The following SORCS2 variants were observed in gnomAD, a reference collection of about 807,000 sequenced individuals.
The protein encoded by SORCS2 is VPS10 domain-containing receptor SorCS2.
In SORCS2, 100 loss-of-function variants were observed where a neutral mutation model predicts 141.6. The ratio of observed to expected loss-of-function variants is 0.71; its 90% confidence interval spans 0.60 to 0.83. The LOEUF is 0.83. Ranked by LOEUF, SORCS2 falls within the 40% of genes least tolerant of loss-of-function variation. The probability of loss-of-function intolerance (pLI) is 0.00; values close to 1 mark genes in which losing one functional copy is unlikely to be tolerated. For missense variants in SORCS2, 1,646 were observed against 1,560.2 expected, an observed-to-expected ratio of 1.05 and a Z score of -0.93; for synonymous variants, 789 against 676.9, an observed-to-expected ratio of 1.17 and a Z score of -2.57.
intron 1 of SORCS2, among the ~76,000 whole-genome samples, chr4:7,333,478 A>G (rs556840534): frequency 4.6e-5 from 7 of 152,166 alleles, no homozygotes; most frequent in Non-Finnish European, 1.0e-4. Context: ...CCTAAACTGC[A>G]CAGGGCCCAG....
intron 1 of SORCS2, among the ~76,000 whole-genome samples, chr4:7,335,678 C>T (rs574486461): frequency 2.0e-4 from 31 of 152,374 alleles, no homozygotes; most frequent in African/African-American, 7.5e-4. Flanking sequence ...GCTTTCTGAG[C>T]TCACCCACTG....
At chr4:7,599,686 T>C (rs1717525748) in intron 3 of SORCS2, among the ~76,000 whole-genome samples, 2 of 152,082 alleles carry the variant, frequency 1.3e-5, no homozygotes, top group Non-Finnish European at 2.9e-5. Flanking sequence ...TCCCTCTGAG[T>C]GTCCCTGGAA....
intron 3 of SORCS2, among the ~76,000 whole-genome samples, chr4:7,585,480 G>A (rs766797652): frequency 6.6e-6 from 1 of 152,140 alleles, no homozygotes; most frequent in African/African-American, 2.4e-5. Flanking sequence ...CCACATTTCC[G>A]AAATCCACCT....
chr4:7,315,072 A>T (rs1161077566), intron 1 of SORCS2, among the ~76,000 whole-genome samples: 2 of 152,020 alleles, frequency 1.3e-5, no homozygotes, highest in African/African-American at 4.8e-5. Flanking sequence ...ACCTTAGGCC[A>T]TCCACCGACC....
chr4:7,305,033 CT>C (rs748748182), intron 1 of SORCS2, among the ~76,000 whole-genome samples: 33 of 52,712 alleles, frequency 6.3e-4, no homozygotes, highest in Non-Finnish European at 1.3e-3. Flanking sequence ...TCTGGCTCTT[CT>C]TTTTTTTTTT....
chr4:7,373,006 G>GTTTTTT (rs56090778), intron 1 of SORCS2, among the ~76,000 whole-genome samples: 10 of 138,172 alleles, frequency 7.2e-5, no homozygotes, highest in Admixed American at 3.6e-4. Context: ...GGTGGTTTCT[G>GTTTTTT]TTTTTTTTTT....
intron 1 of SORCS2, among the ~76,000 whole-genome samples, chr4:7,330,300 G>T (rs555266723): frequency 1.3e-5 from 2 of 152,200 alleles, no homozygotes; most frequent in East Asian, 3.9e-4. Flanking sequence ...ACGTTCCCAG[G>T]TTTAGGGAAT....
At chr4:7,588,091 C>T (rs1279225175) in intron 3 of SORCS2, among the ~76,000 whole-genome samples, 1 of 152,196 alleles carries the variant, frequency 6.6e-6, no homozygotes, top group African/African-American at 2.4e-5. Context: ...GAGAGGAGAT[C>T]AGCGGTCATT....
rs1033384099 is a variant in SORCS2, at chr4:7,663,873, G to T, written c.953-480G>T. The stretch of plus-strand genomic sequence containing the variant: ...ATAAATTTGCCCCGGGGAAACAGAA[G>T]AACTTCAAATTAGCAGCTCCCTGAC... On this transcript the variant is annotated intron_variant, in intron 6 of 26. Transcript: ENST00000507866. The surrounding 1 kb of genome is among the most constrained non-coding windows in gnomAD (Gnocchi z 4.8). Among the ~76,000 whole-genome samples, 1 of 152,162 alleles carries T rather than the reference G, an allele frequency of 6.6e-6. No homozygotes were observed. Among genetic ancestry groups the T allele is most frequent in the Non-Finnish European group, 1.5e-5 (1 of 68,016 alleles).
chr4:7,452,763 T>C (rs1728546793), intron 2 of SORCS2, among the ~76,000 whole-genome samples: 1 of 152,198 alleles, frequency 6.6e-6, no homozygotes, highest in African/African-American at 2.4e-5. Flanking sequence ...GTGAGCAGCG[T>C]CCAGCAGAGC....
At chr4:7,424,584 G>A (rs1194151648) in intron 2 of SORCS2, among the ~76,000 whole-genome samples, 2 of 152,132 alleles carry the variant, frequency 1.3e-5, no homozygotes, top group African/African-American at 4.8e-5. Context: ...CCTCTTTGCC[G>A]CTCCTCACCT....
chr4:7,290,727 T>C (rs1367634913), intron 1 of SORCS2, among the ~76,000 whole-genome samples: 2 of 152,192 alleles, frequency 1.3e-5, no homozygotes, highest in East Asian at 3.9e-4. Flanking sequence ...TGTATGTGTT[T>C]TGGGGAATGT....
chr4:7,605,804 G>T (rs377193887), intron 3 of SORCS2, among the ~76,000 whole-genome samples: 3 of 152,104 alleles, frequency 2.0e-5, no homozygotes, highest in African/African-American at 7.2e-5. Context: ...GGTCTTGGGG[G>T]TGAGGAGCAG....
rs922147275 is a variant in SORCS2 at position 7,193,335 on chromosome 4, G to A, written c.480+209G>A. ...GAGAGGTCCTCAGATTCGTACGCTT[G>A]TCTCACCGCAGGGGACATTCCCGCA... is the stretch of plus-strand genomic sequence containing the variant. On this transcript the variant is annotated intron_variant, in intron 1 of 26. Transcript: ENST00000507866. This position sits in a 1 kb window ranked among gnomAD's most constrained non-coding sequence, Gnocchi z 4.8. Among the ~76,000 whole-genome samples the A allele has an allele frequency of 6.6e-6, 1 of 152,146 alleles. No homozygotes were observed. Among genetic ancestry groups the A allele is most frequent in the African/African-American group, 2.4e-5 (1 of 41,438 alleles).
intron 3 of SORCS2, among the ~76,000 whole-genome samples, chr4:7,549,233 T>C (rs1713499761): frequency 6.6e-6 from 1 of 152,148 alleles, no homozygotes; most frequent in Non-Finnish European, 1.5e-5. Context: ...AAACATTCCT[T>C]ATTTTAGGAC....
intron 8 of SORCS2, among the ~76,000 whole-genome samples, chr4:7,670,985 C>T (rs1722765860): frequency 6.6e-6 from 1 of 152,210 alleles, no homozygotes. Context: ...AGCCTATTTT[C>T]CTCTCTTTTA....
chr4:7,505,198 G>A (rs1732201924), intron 2 of SORCS2, among the ~76,000 whole-genome samples: 1 of 152,202 alleles, frequency 6.6e-6, no homozygotes, highest in East Asian at 1.9e-4. Flanking sequence ...TTTAAAATAA[G>A]CTTGGACAGC....
intron 2 of SORCS2, among the ~76,000 whole-genome samples, chr4:7,495,656 G>A (rs571174434): frequency 7.0e-4 from 106 of 152,338 alleles, no homozygotes; most frequent in African/African-American, 2.4e-3. Flanking sequence ...GGCCATGGAC[G>A]TCAGTCACCT....
chr4:7,309,758 T>C (rs1718065330), intron 1 of SORCS2, among the ~76,000 whole-genome samples: 1 of 152,170 alleles, frequency 6.6e-6, no homozygotes, highest in South Asian at 2.1e-4. Context: ...TTGGCCCAGC[T>C]GTGCCCTTGT....
Sources: allele counts gnomAD v4.1 joint callset (sites outside exome capture counted in the v4.1 genomes callset), GRCh38; gene constraint gnomAD v4.1.1; non-coding constraint Gnocchi (gnomAD v3.1); transcripts MANE v1.5; gene names NCBI Gene and HGNC (gene_info 2026-07-23, HGNC 2026-07-21).